Variants in CCT8 observed in about 807,000 individuals in gnomAD.
The protein encoded by CCT8 is chaperonin containing TCP1 subunit 8.
A neutral mutation model predicts 65.7 loss-of-function variants in CCT8; 10 were observed. The ratio of observed to expected loss-of-function variants is 0.15; its 90% CI spans 0.09 to 0.26. The LOEUF is 0.26. Among genes scored for constraint, CCT8 ranks in the 10% least tolerant of loss-of-function variants. The probability of loss-of-function intolerance (pLI) is 1.00; values close to 1 mark genes in which losing one functional copy is unlikely to be tolerated. For synonymous variants in CCT8, 199 were observed against 221.8 expected (o/e 0.90, Z 0.92); for missense variants, 568 against 669.1 (o/e 0.85, Z 1.67).
intron 1 of CCT8, chr21:29,072,313 A>G (rs1279920714): frequency 5.1e-6 from 1 of 195,962 alleles, no homozygotes; most frequent in East Asian, 1.2e-4. Flanking sequence ...CATAAACTCT[A>G]CGACAAATGG....
At chr21:29,073,184 TA>T in intron 1 of CCT8, 1 of 855,910 alleles carries the variant, frequency 1.2e-6, no homozygotes, top group Non-Finnish European at 1.5e-6. Flanking sequence ...TCATCTACGT[TA>T]TTCAATTTCA....
At chr21:29,072,370 G>T (rs1049696412) in intron 1 of CCT8, 3 of 160,006 alleles carry the variant, frequency 1.9e-5, no homozygotes, top group African/African-American at 7.2e-5. Flanking sequence ...TTTATTGAAA[G>T]AAATAGCTCA....
At position 29,062,428 on chromosome 21, in the gene CCT8, G is replaced by T; in HGVS notation, c.1009-13C>A. ...GGACAGGAGGTGTCTGTAAGAAAGT[G>T]ACTGTTGTAATAAAAATTCCATCTT... On this transcript the variant is annotated splice_polypyrimidine_tract_variant and intron_variant, in intron 9 of 14. Transcript: ENST00000286788. The T allele has an allele frequency of 1.2e-6, 2 of 1,611,960 alleles. No homozygotes were observed. Among genetic ancestry groups the T allele is most frequent in the Non-Finnish European group, 8.5e-7 (1 of 1,178,094 alleles).
intron 1 of CCT8, chr21:29,073,151 A>G: frequency 2.1e-6 from 1 of 473,752 alleles, no homozygotes; most frequent in Non-Finnish European, 2.8e-6. Flanking sequence ...GTGATAATCG[A>G]CGTCGCAGTT....
chr21:29,066,277 C>T (rs912399905), intron 6 of CCT8, among the ~76,000 whole-genome samples: 58 of 152,022 alleles, frequency 3.8e-4, no homozygotes, highest in African/African-American at 1.2e-3. Flanking sequence ...CGGTGGTTCA[C>T]GCCTGTTAAT....
intron 1 of CCT8, chr21:29,073,202 C>T: frequency 9.6e-7 from 1 of 1,045,714 alleles, no homozygotes; most frequent in South Asian, 3.0e-5. Flanking sequence ...TTCACCCTCA[C>T]AACCTCCTTT....
intron 6 of CCT8, among the ~76,000 whole-genome samples, chr21:29,065,519 G>C (rs1021558779): frequency 1.3e-5 from 2 of 152,204 alleles, no homozygotes; most frequent in Non-Finnish European, 1.5e-5. Context: ...AGCAAACATA[G>C]AACACGTGAG....
Position 29,067,801 on chromosome 21 carries a change from G to C in CCT8, c.232-96C>G, listed in dbSNP as rs547744267. On this transcript the variant is annotated intron_variant, in intron 3 of 14. Transcript: ENST00000286788. ...CTTAAATAGACTCAATTTTCTTGTA[G>C]ATTAGGTAACTCCATCTGATCACAC... 129 of 895,636 alleles carry C rather than the reference G, an allele frequency of 1.4e-4. No individual in the cohort carries two copies. In the African/African-American group the frequency reaches 2.0e-3, roughly 14 times the overall value. 55.5% of individuals were successfully genotyped at this position (895,636 alleles called of 1,614,324 possible). A position where few individuals can be genotyped will look rare whatever the true frequency, so the allele number is the denominator to read the frequency against.
In CCT8 at chr21:29,067,694, A is replaced by G; in HGVS notation, c.243T>C (p.Pro81=). The change falls in exon 4 of 15, where the codon CCT becomes CCC. Residue 81 remains proline (P), a synonymous_variant. Transcript: ENST00000286788. ...TILRELEVQH[P]AAKMIVMASH... ...AAGCCATTACAATCATTTTTGCAGC[A>G]GGATGCTGTACCTAGTAGAAAAGGT... The G allele has an allele frequency of 7.2e-7, 1 of 1,383,214 alleles. No homozygotes were observed. The highest frequency in any genetic ancestry group is 9.4e-7 in the Non-Finnish European group (1 of 1,063,004). The allele number at this position is 1,383,214 out of a possible 1,614,324, so 85.7% of individuals were successfully genotyped here. A position where few individuals can be genotyped will look rare whatever the true frequency, so the allele number is the denominator to read the frequency against.
intron 6 of CCT8, among the ~76,000 whole-genome samples, chr21:29,066,484 AG>A (rs1379400761): frequency 6.6e-6 from 1 of 152,244 alleles, no homozygotes; most frequent in Non-Finnish European, 1.5e-5. Flanking sequence ...GGTTGCGGTG[AG>A]CCGAGGTCAT....
intron 14 of CCT8, chr21:29,059,453 G>C (rs1448805891): frequency 6.6e-6 from 1 of 152,156 alleles, no homozygotes; most frequent in Admixed American, 6.5e-5. Flanking sequence ...TTATTGTCTT[G>C]CTTGAATAAT....
At chr21:29,057,826 ATG>A (rs533816251) in intron 14 of CCT8, among the ~76,000 whole-genome samples, 226 of 150,446 alleles carry the variant, frequency 1.5e-3, no homozygotes, top group African/African-American at 5.2e-3. Flanking sequence ...TACATATGAT[ATG>A]TGTGATATAT....
intron 14 of CCT8, 46 bp downstream of exon 14, chr21:29,060,493 CAG>C: frequency 1.9e-6 from 3 of 1,577,176 alleles, no homozygotes; most frequent in Non-Finnish European, 2.6e-6. Flanking sequence ...TACTATTAAA[CAG>C]TATGCAAATG....
At chr21:29,069,134 A>C (rs192674390) in intron 3 of CCT8, among the ~76,000 whole-genome samples, 1 of 152,324 alleles carries the variant, frequency 6.6e-6, no homozygotes, top group East Asian at 1.9e-4. Context: ...TTCACTTCAG[A>C]GTCACCCTAT....
intron 14 of CCT8, among the ~76,000 whole-genome samples, chr21:29,057,192 C>T (rs539895481): frequency 7.6e-5 from 11 of 144,612 alleles, no homozygotes; most frequent in African/African-American, 2.3e-4. Context: ...CTTTTTGAGA[C>T]GGAGTCTTGC....
chr21:29,072,545 A>C (rs2146446222), intron 1 of CCT8, among the ~76,000 whole-genome samples: 1 of 152,332 alleles, frequency 6.6e-6, no homozygotes, highest in East Asian at 1.9e-4. Context: ...TTATTCCACC[A>C]ACATTTACCT....
chr21:29,067,473 T>A, intron 4 of CCT8, 83 bp downstream of exon 4: 1 of 1,104,470 alleles, frequency 9.1e-7, no homozygotes. Context: ...GCTACTACTA[T>A]AATAATGATT....
At chr21:29,071,275 T>C (rs2853827) in intron 1 of CCT8, among the ~76,000 whole-genome samples, 57,468 of 152,050 alleles carry the variant, frequency 0.38, 12,169 homozygotes, top group South Asian at 0.52. Flanking sequence ...AATATCACAC[T>C]GGACAGCGCT....
intron 1 of CCT8, among the ~76,000 whole-genome samples, chr21:29,071,218 T>C (rs991571626): frequency 6.6e-5 from 10 of 152,164 alleles, no homozygotes; most frequent in East Asian, 1.9e-4. Flanking sequence ...AGTTCCTCAA[T>C]TGCAGGAGCC....
Sources: gnomAD v4.1 joint callset for allele counts (sites outside exome capture counted in the v4.1 genomes callset) on GRCh38, gnomAD v4.1.1 for gene constraint, MANE v1.5 for transcripts, NCBI Gene and HGNC (gene_info 2026-07-23, HGNC 2026-07-21) for gene names.